The following MX2 variants were observed in gnomAD, a reference collection of about 807,000 sequenced individuals.
MX2 encodes interferon-induced GTP-binding protein Mx2.
MX2 carries 51 observed loss-of-function variants against 74.0 expected under a neutral mutation model. That is an observed-to-expected ratio of 0.69 (90% CI 0.55 to 0.87). The LOEUF (loss-of-function observed/expected upper bound fraction) is 0.87. MX2 is among the 40% of genes least tolerant of loss of function. MX2 has a pLI of 0.00. For synonymous variants in MX2, 369 were observed against 339.3 expected (o/e 1.09, Z -0.96); for missense variants, 832 against 908.7 (o/e 0.92, Z 1.09).
intron 12 of MX2, among the ~76,000 whole-genome samples, chr21:41,406,143 C>G (rs913118968): frequency 6.6e-6 from 1 of 152,186 alleles, no homozygotes; most frequent in Non-Finnish European, 1.5e-5. Context: ...CGTGTGCCAC[C>G]ACGCCCAGCT....
chr21:41,399,148 T>A, intron 9 of MX2, 48 bp from the exon 10 acceptor site: 1 of 1,605,154 alleles, frequency 6.2e-7, no homozygotes, highest in Non-Finnish European at 8.5e-7. Flanking sequence ...CGGTCCCAGT[T>A]CTTTCATATG....
At position 41,374,670 on chromosome 21, in the gene MX2, G is replaced by A. The variant is rs570012236; in HGVS notation, c.-71-2166G>A. On this transcript the variant is annotated intron_variant, in intron 1 of 13. Transcript: ENST00000330714. ...TCTCCAGGCTGCCATGCTGAAAGCCGGCAGGTGTCGCAGGTAGCAGATGTG... is the reference window on the plus strand; with the variant it reads ...TCTCCAGGCTGCCATGCTGAAAGCCAGCAGGTGTCGCAGGTAGCAGATGTG... 1.8e-3 allele frequency among the ~76,000 whole-genome samples: 279 copies of A among 151,712 alleles called. 1 individual carries two copies. Among genetic ancestry groups the A allele is most frequent in the African/African-American group, 6.3e-3 (262 of 41,476 alleles).
At chr21:41,383,867 C>G (rs2089531930) in intron 5 of MX2, among the ~76,000 whole-genome samples, 1 of 152,128 alleles carries the variant, frequency 6.6e-6, no homozygotes, top group Non-Finnish European at 1.5e-5. Context: ...GCTGATTCAT[C>G]CATCAAGTTA....
At chr21:41,379,865 G>A (rs2145890743) in intron 3 of MX2, 152 bp from the exon 4 acceptor site, 6 of 984,310 alleles carry the variant, frequency 6.1e-6, no homozygotes, top group Non-Finnish European at 9.0e-6. Flanking sequence ...CATCTGCTCA[G>A]TCCAGACCCC....
chr21:41,394,594 A>G (rs2089707353), intron 6 of MX2, among the ~76,000 whole-genome samples: 1 of 152,206 alleles, frequency 6.6e-6, no homozygotes, highest in African/African-American at 2.4e-5. Flanking sequence ...GAGAGGTTCA[A>G]GAATAGTAGA....
intron 1 of MX2, among the ~76,000 whole-genome samples, chr21:41,374,640 C>T (rs1185026750): frequency 1.7e-5 from 2 of 114,642 alleles, no homozygotes; most frequent in Non-Finnish European, 4.2e-5. Flanking sequence ...GGCTAGCTTC[C>T]CACTTCTCCA....
Position 41,408,915 on chromosome 21 carries a change from A to G in MX2, c.*682A>G, listed in dbSNP as rs2089921227. The G allele has an allele frequency of 6.6e-6, 1 of 152,270 alleles. No homozygotes were observed. Among genetic ancestry groups the G allele is most frequent in the Non-Finnish European group, 1.5e-5 (1 of 68,072 alleles). The allele number at this position is 152,270 out of a possible 1,614,324, so 9.4% of individuals were successfully genotyped here. On this transcript the variant is annotated 3_prime_UTR_variant, in exon 14 of 14. Transcript: ENST00000330714. ...CTGTTAAGTCTTGAAGAGGAATTTA[A>G]TAAAGCAAAGAAACTTTTTAAAAAC...
At chr21:41,397,494 C>T in intron 7 of MX2, 119 bp from the exon 8 acceptor site, 1 of 826,610 alleles carries the variant, frequency 1.2e-6, no homozygotes, top group East Asian at 2.8e-5. Flanking sequence ...CACCACTTGG[C>T]TTTTCTGATG....
chr21:41,409,087 C>A lies in MX2; in HGVS notation c.*854C>A, dbSNP rs560182649. 5 of 152,226 alleles carry A rather than the reference C, an allele frequency of 3.3e-5. No individual in the cohort carries two copies. The highest frequency in any genetic ancestry group is 2.0e-4 in the Admixed American group (3 of 15,298). 9.4% of individuals were successfully genotyped at this position (152,226 alleles called of 1,614,324 possible). ...AAAAATTTGTTTGTAAGTAGCCAGA[C>A]ATGGTGGTGCACACCTGTAGTCCCA... On this transcript the variant is annotated 3_prime_UTR_variant, in exon 14 of 14. Coordinates refer to ENST00000330714, the MANE Select transcript of MX2 (RefSeq NM_002463.2).
chr21:41,372,018 G>A (rs2089332789), intron 1 of MX2, among the ~76,000 whole-genome samples: 1 of 152,210 alleles, frequency 6.6e-6, no homozygotes, highest in African/African-American at 2.4e-5. Flanking sequence ...AGACAGTGAA[G>A]TGTCTGTGTT....
At chr21:41,377,235 T>A in intron 2 of MX2, 80 bp downstream of exon 2, 1 of 1,563,984 alleles carries the variant, frequency 6.4e-7, no homozygotes. Context: ...CCCACCACAA[T>A]AATAGAACCA....
At chr21:41,397,525 C>A in intron 7 of MX2, 88 bp from the exon 8 acceptor site, 1 of 1,198,652 alleles carries the variant, frequency 8.3e-7, no homozygotes, top group Non-Finnish European at 1.2e-6. Flanking sequence ...CCCCGGGGAG[C>A]TGGGCTCACC....
Position 41,406,764 on chromosome 21 carries a change from A to G in MX2, c.1671A>G (p.Lys557=), listed in dbSNP as rs2089891258. 2 of 1,614,096 alleles carry G rather than the reference A, an allele frequency of 1.2e-6. No individual in the cohort carries two copies. The highest frequency in any genetic ancestry group is 1.3e-5 in the African/African-American group (1 of 74,944). ...ACCAGAGCACGATTGAAGACATAAA[A>G]GTGAAACACACAGCAAAGGCAGAAA... ...QTVQSTIEDI[K]VKHTAKAENM... is the part of the protein sequence containing the mutation. Residue 557 remains lysine, a synonymous_variant, in exon 13 of 14, where the codon AAA becomes AAG. Transcript: ENST00000330714.
intron 7 of MX2, among the ~76,000 whole-genome samples, chr21:41,396,801 A>G (rs768881884): frequency 2.0e-5 from 3 of 152,158 alleles, no homozygotes; most frequent in African/African-American, 4.8e-5. Flanking sequence ...GAAGATTTCA[A>G]AATAATCAGG....
chr21:41,386,145 G>A lies in MX2; in HGVS notation c.732+3581G>A, dbSNP rs570009769. 6.0e-4 allele frequency among the ~76,000 whole-genome samples: 88 copies of A among 146,550 alleles called. 4 individuals are homozygous for A. The highest frequency in any genetic ancestry group is 3.6e-4 in the Non-Finnish European group (24 of 67,482). Reference sequence around the variant, plus strand: ...TGAGGCAGGAGAATCACTCGAACCCGGGAGGCGGAGCTTGCAGTGAGCTGA... The same window carrying A: ...TGAGGCAGGAGAATCACTCGAACCCAGGAGGCGGAGCTTGCAGTGAGCTGA... On this transcript the variant is annotated intron_variant, in intron 5 of 13. Transcript: ENST00000330714.
At position 41,376,983 on chromosome 21, in the gene MX2, T is replaced by C. The variant is rs2089412224; in HGVS notation, c.77T>C (p.Met26Thr). The C allele has an allele frequency of 6.2e-7, 1 of 1,614,026 alleles. No individual in the cohort carries two copies. The highest frequency in any genetic ancestry group is 8.5e-7 in the Non-Finnish European group (1 of 1,180,014). Reference protein sequence around the residue: ...FSSRKYLKKEMNSFQQQPPPF... With the variant: ...FSSRKYLKKETNSFQQQPPPF... ...TCTCGAAAATACCTGAAAAAAGAAATGAATTCCTTCCAGCAACAGCCACCG... is the reference window on the plus strand; with the variant it reads ...TCTCGAAAATACCTGAAAAAAGAAACGAATTCCTTCCAGCAACAGCCACCG... The change falls in exon 2 of 14, where the codon ATG becomes ACG. Residue 26 changes from methionine (M) to threonine (T), a missense_variant. Coordinates refer to ENST00000330714, the MANE Select transcript of MX2 (RefSeq NM_002463.2).
intron 6 of MX2, among the ~76,000 whole-genome samples, chr21:41,391,617 G>A (rs2089661335): frequency 6.6e-6 from 1 of 151,950 alleles, no homozygotes; most frequent in African/African-American, 2.4e-5. Flanking sequence ...CCCAATCTCA[G>A]GTGATCCACC....
At chr21:41,383,216 C>T (rs1030355681) in intron 5 of MX2, among the ~76,000 whole-genome samples, 8 of 152,126 alleles carry the variant, frequency 5.3e-5, no homozygotes, top group Admixed American at 2.0e-4. Context: ...CAAAATTAGC[C>T]GGGTGCAGTG....
chr21:41,383,163 A>C (rs2089521322), intron 5 of MX2, among the ~76,000 whole-genome samples: 2 of 152,292 alleles, frequency 1.3e-5, no homozygotes, highest in South Asian at 4.2e-4. Context: ...GTTCTAGACC[A>C]GCACGGGCAA....
Sources: gnomAD v4.1 joint callset for allele counts (sites outside exome capture counted in the v4.1 genomes callset) on GRCh38, gnomAD v4.1.1 for gene constraint, MANE v1.5 for transcripts, NCBI Gene and HGNC (gene_info 2026-07-23, HGNC 2026-07-21) for gene names.